GUSB: variants seen among roughly 807,000 people sequenced by gnomAD.
GUSB encodes the protein beta-glucuronidase.
In GUSB, 51 loss-of-function variants were observed where a neutral mutation model predicts 74.6. The observed-to-expected ratio is 0.68, with a 90% CI of 0.55 to 0.86. GUSB has a LOEUF of 0.86. GUSB is among the 40% of genes least tolerant of loss of function. GUSB has a pLI of 0.00. For missense variants in GUSB, 736 were observed against 853.7 expected, an observed-to-expected ratio of 0.86 and a Z score of 1.72; for synonymous variants, 360 against 348.3, an observed-to-expected ratio of 1.03 and a Z score of -0.37.
At chr7:65,968,120 CGGT>C in intron 9 of GUSB, among the ~76,000 whole-genome samples, 1 of 150,394 alleles carries the variant, frequency 6.6e-6, no homozygotes, top group Non-Finnish European at 1.5e-5. Flanking sequence ...TAGCAGGGCA[CGGT>C]GGCTCATGCC....
At chr7:65,963,229 C>G (rs996801625) in intron 11 of GUSB, among the ~76,000 whole-genome samples, 3 of 152,120 alleles carry the variant, frequency 2.0e-5, no homozygotes, top group African/African-American at 7.2e-5. Flanking sequence ...TCCCCAGAAA[C>G]CATTTATCAC....
At chr7:65,976,329 TTA>T in intron 4 of GUSB, 127 bp from the exon 5 acceptor site, 1 of 704,636 alleles carries the variant, frequency 1.4e-6, no homozygotes, top group Non-Finnish European at 2.4e-6. Flanking sequence ...ATTTAATTTC[TTA>T]TTTTTTTTTT....
intron 8 of GUSB, among the ~76,000 whole-genome samples, chr7:65,971,722 C>T (rs1369098673): frequency 6.8e-6 from 1 of 146,522 alleles, no homozygotes; most frequent in Non-Finnish European, 1.5e-5. Flanking sequence ...ACAAGCAAGA[C>T]TCCATCTTGC....
chr7:65,977,634 T>C (rs980787378), intron 4 of GUSB, among the ~76,000 whole-genome samples: 4 of 151,488 alleles, frequency 2.6e-5, no homozygotes, highest in Non-Finnish European at 5.9e-5. Flanking sequence ...AAGCGATCCA[T>C]CCACCTTGGA....
At chr7:65,961,856 T>C (rs917027646) in intron 11 of GUSB, among the ~76,000 whole-genome samples, 6 of 152,022 alleles carry the variant, frequency 3.9e-5, no homozygotes, top group Non-Finnish European at 8.8e-5. Context: ...ACAAAAATTA[T>C]ACAGGCATGG....
At chr7:65,972,378 G>A (rs560885238) in intron 8 of GUSB, among the ~76,000 whole-genome samples, 28 of 152,202 alleles carry the variant, frequency 1.8e-4, no homozygotes, top group Admixed American at 1.4e-3. Flanking sequence ...TGGCCACGCC[G>A]GTCTCAAACT....
intron 11 of GUSB, among the ~76,000 whole-genome samples, chr7:65,961,983 C>CA (rs1402159308): frequency 1.2e-4 from 18 of 148,170 alleles, no homozygotes; most frequent in African/African-American, 4.0e-4. Flanking sequence ...GCCTGGGCGA[C>CA]AGAGTGAGAC....
Position 65,976,046 on chromosome 7 carries a change from T to C in GUSB, c.881A>G (p.His294Arg). The C allele has an allele frequency of 6.2e-7, 1 of 1,613,866 alleles. No individual in the cohort carries two copies. Among genetic ancestry groups the C allele is most frequent in the Non-Finnish European group, 8.5e-7 (1 of 1,180,004 alleles). ...TGAATACAGATAGGCAGGGCGTTCG[T>C]GCATCAGGTACGGCCACCAGAGGCT... ...GVSLWWPYLM[H>R]ERPAYLYSLE... Residue 294 changes from histidine to arginine, a missense_variant, in exon 5 of 12, where the codon CAC becomes CGC. Physicochemically the swap from His to Arg is conservative, Grantham distance 29. Coordinates refer to ENST00000304895, the MANE Select transcript of GUSB (RefSeq NM_000181.4).
chr7:65,971,582 C>G (rs558654329), intron 8 of GUSB, among the ~76,000 whole-genome samples: 13 of 151,956 alleles, frequency 8.6e-5, no homozygotes, highest in African/African-American at 2.9e-4. Context: ...ACAAAAAAAA[C>G]CTAGCTGGGC....
chr7:65,972,215 G>T (rs1473489249), intron 8 of GUSB, among the ~76,000 whole-genome samples: 1 of 151,922 alleles, frequency 6.6e-6, no homozygotes, highest in Admixed American at 6.6e-5. Context: ...AGGCTGGAGT[G>T]CAATGACATG....
At chr7:65,981,945 C>A in intron 1 of GUSB, 29 bp downstream of exon 1, 1 of 1,576,738 alleles carries the variant, frequency 6.3e-7, no homozygotes, top group African/African-American at 1.4e-5. Flanking sequence ...GGCTTTCGGG[C>A]GCCTCCCGGC....
chr7:65,964,499 C>T lies in GUSB; in HGVS notation c.1654-41G>A, dbSNP rs1417002556. 6.3e-6 allele frequency: 10 copies of T among 1,593,268 alleles called. No individual in the cohort carries two copies. In the African/African-American group the frequency reaches 6.7e-5, roughly 11 times the overall value. On this transcript the variant is annotated intron_variant, in intron 10 of 11. Transcript: ENST00000304895. ...AAGAGAATGTAAGAGTCAGAACTGG[C>T]AGAATTGTAAATGTTAGATAAAAAT... is the stretch of plus-strand genomic sequence containing the variant.
rs1278601179 is a variant in GUSB, at chr7:65,981,913, G to A, written c.210+61C>T. 5 of 1,415,880 alleles carry A rather than the reference G, an allele frequency of 3.5e-6. No individual in the cohort carries two copies. The Admixed American group carries it at 7.8e-5, about 22-fold the overall frequency. 87.7% of individuals were successfully genotyped at this position (1,415,880 alleles called of 1,614,324 possible). A position where few individuals can be genotyped will look rare whatever the true frequency, so the allele number is the denominator to read the frequency against. On this transcript the variant is annotated intron_variant, in intron 1 of 11. Transcript: ENST00000304895. ...GGGGAAGAAGTCTGCGGGGGGCCCG[G>A]GCTCCCCTACTCCCACCGCCGGGCT...
intron 9 of GUSB, 77 bp downstream of exon 9, chr7:65,970,205 G>T: frequency 1.2e-6 from 1 of 855,720 alleles, no homozygotes; most frequent in Non-Finnish European, 2.0e-6. Context: ...GGTTCTTCCT[G>T]GCTGTTCCCA....
chr7:65,976,086 T>C lies in GUSB; in HGVS notation c.841A>G (p.Lys281Glu). 6.2e-7 allele frequency: 1 copy of C among 1,613,960 alleles called. No individual in the cohort carries two copies. Among genetic ancestry groups the C allele is most frequent in the South Asian group, 1.1e-5 (1 of 91,080 alleles). ...CACCAGAGGCTGACACCTGGCACCT[T>C]AAGTTGGCCCTGGGTCCCAGTCCCA... ...ANGTGTQGQL[K>E]VPGVSLWWPY... The change falls in exon 5 of 12, where the codon AAG (lysine) becomes GAG (glutamate). Residue 281 changes from lysine (K) to glutamate (E), a missense_variant. Lys to Glu is a moderately conservative substitution (Grantham distance 56). Transcript: ENST00000304895.
At position 65,978,434 on chromosome 7, in the gene GUSB, C is replaced by T. The variant is rs368950183; in HGVS notation, c.724+965G>A. Among the ~76,000 whole-genome samples the T allele has an allele frequency of 1.3e-3, 198 of 148,532 alleles. 2 individuals are homozygous for T. The highest frequency in any genetic ancestry group is 4.8e-3 in the African/African-American group (192 of 40,236). ...CAGCACTCCAGCCTGGACAACAGAGCAAGACTCCATCTCAAAAACAAAAAA... is the reference window on the plus strand; with the variant it reads ...CAGCACTCCAGCCTGGACAACAGAGTAAGACTCCATCTCAAAAACAAAAAA... On this transcript the variant is annotated intron_variant, in intron 4 of 11. Transcript: ENST00000304895.
intron 11 of GUSB, among the ~76,000 whole-genome samples, chr7:65,963,044 G>A (rs56077857): frequency 0.11 from 16,888 of 151,948 alleles, 1,095 homozygotes; most frequent in Middle Eastern, 0.2. Flanking sequence ...TTTTAGTAGA[G>A]ATGGGGTTTC....
At chr7:65,974,224 T>C (rs2115947932) in intron 8 of GUSB, 71 bp downstream of exon 8, 1 of 1,480,842 alleles carries the variant, frequency 6.8e-7, no homozygotes, top group Non-Finnish European at 9.4e-7. Context: ...GAACAGCACA[T>C]GCCCACCGAG....
chr7:65,963,297 A>T (rs1462898007), intron 11 of GUSB, among the ~76,000 whole-genome samples: 1 of 151,262 alleles, frequency 6.6e-6, no homozygotes, highest in Non-Finnish European at 1.5e-5. Context: ...CTTCCTTCTC[A>T]CCTCATCTTG....
Sources: allele counts gnomAD v4.1 joint callset (sites outside exome capture counted in the v4.1 genomes callset), GRCh38; gene constraint gnomAD v4.1.1; transcripts MANE v1.5; gene names NCBI Gene and HGNC (gene_info 2026-07-23, HGNC 2026-07-21).